Variants in EPM2A observed in about 807,000 individuals in gnomAD.
EPM2A encodes EPM2A glucan phosphatase, laforin, also known as laforin.
A neutral mutation model predicts 26.5 loss-of-function variants in EPM2A; 21 were observed. The observed-to-expected ratio is 0.79, with a 90% CI of 0.56 to 1.14. The LOEUF is 1.14. Ranked by LOEUF, EPM2A falls within the 50% of genes most tolerant of loss-of-function variation. EPM2A has a pLI of 0.00. For missense variants in EPM2A, 458 were observed against 440.8 expected, an observed-to-expected ratio of 1.04 and a Z score of -0.35; for synonymous variants, 217 against 177.6, an observed-to-expected ratio of 1.22 and a Z score of -1.76.
intron 2 of EPM2A, among the ~76,000 whole-genome samples, chr6:145,585,865 T>C (rs1208145351): frequency 6.6e-6 from 1 of 152,242 alleles, no homozygotes; most frequent in Non-Finnish European, 1.5e-5. Context: ...AATTTTGCCT[T>C]GTTCCCGACG....
intron 1 of EPM2A, among the ~76,000 whole-genome samples, chr6:145,696,634 G>A (rs1038332485): frequency 6.6e-6 from 1 of 152,016 alleles, no homozygotes; most frequent in African/African-American, 2.4e-5. Flanking sequence ...ACAGGTACTA[G>A]AATTAGAGAT....
Position 145,572,583 on chromosome 6 carries a change from A to G in EPM2A, c.340+62662T>C, listed in dbSNP as rs573687942. ...GTTCAGTTTCCACCAAAGCCCAGTA[A>G]CAGACCAAGAGCTGTCTCTCAAAAG... On this transcript the variant is annotated intron_variant, in intron 2 of 3. Transcript: ENST00000450221. 5.3e-5 allele frequency among the ~76,000 whole-genome samples: 8 copies of G among 152,316 alleles called. 1 individual carries two copies. The South Asian group carries it at 1.7e-3, about 32-fold the overall frequency.
intron 4 of EPM2A, among the ~76,000 whole-genome samples, chr6:145,469,045 A>G (rs1352832648): frequency 6.6e-6 from 1 of 152,168 alleles, no homozygotes; most frequent in Non-Finnish European, 1.5e-5. Flanking sequence ...AGACTGAGTA[A>G]TTTATAAAAG....
At chr6:145,615,820 G>T (rs568301236) in intron 2 of EPM2A, among the ~76,000 whole-genome samples, 1 of 150,170 alleles carries the variant, frequency 6.7e-6, no homozygotes, top group African/African-American at 2.4e-5. Flanking sequence ...ATGGAACTTT[G>T]AACTTGACAG....
intron 4 of EPM2A, among the ~76,000 whole-genome samples, chr6:145,404,479 G>A (rs1244025178): frequency 1.3e-5 from 2 of 151,800 alleles, no homozygotes; most frequent in Admixed American, 1.3e-4. Flanking sequence ...GTCAGAATAA[G>A]GGCATATACC....
intron 1 of EPM2A, among the ~76,000 whole-genome samples, chr6:145,714,579 T>C (rs1322524697): frequency 6.6e-6 from 1 of 152,226 alleles, no homozygotes; most frequent in Admixed American, 6.5e-5. Context: ...TTCACAATGC[T>C]GATAGAGACA....
intron 2 of EPM2A, among the ~76,000 whole-genome samples, chr6:145,552,603 C>T (rs1385947137): frequency 1.3e-5 from 2 of 151,934 alleles, no homozygotes; most frequent in African/African-American, 4.8e-5. Flanking sequence ...GAAAATGATT[C>T]CAGATAGAAG....
chr6:145,532,241 G>A (rs1780367819), intron 2 of EPM2A, among the ~76,000 whole-genome samples: 1 of 152,172 alleles, frequency 6.6e-6, no homozygotes, highest in African/African-American at 2.4e-5. Context: ...GGAGATGTGG[G>A]AGTTTAGTCA....
At chr6:145,684,582 T>C (rs561507273) in intron 2 of EPM2A, among the ~76,000 whole-genome samples, 1 of 152,320 alleles carries the variant, frequency 6.6e-6, no homozygotes, top group South Asian at 2.1e-4. Context: ...TTTACTATTG[T>C]CTCATCTAGA....
intron 4 of EPM2A, among the ~76,000 whole-genome samples, chr6:145,491,606 G>A (rs1291495415): frequency 6.6e-6 from 1 of 152,070 alleles, no homozygotes; most frequent in African/African-American, 2.4e-5. Flanking sequence ...GGGCATGCTT[G>A]GCTTTGGAAA....
chr6:145,625,726 T>G lies in EPM2A; in HGVS notation c.*1690A>C. ...TGGAAATGTGTCCTGGCTAGCTGCC[T>G]CTGCCCAAAGCAAATGTCATCTCCC... On this transcript the variant is annotated 3_prime_UTR_variant, in exon 4 of 4. Transcript: ENST00000367519. The G allele has an allele frequency of 1.2e-6, 1 of 868,228 alleles. No homozygotes were observed. The highest frequency in any genetic ancestry group is 2.0e-6 in the Non-Finnish European group (1 of 500,930). The allele number at this position is 868,228 out of a possible 1,614,324, so 53.8% of individuals were successfully genotyped here. A position where few individuals can be genotyped will look rare whatever the true frequency, so the allele number is the denominator to read the frequency against.
At chr6:145,613,257 A>G (rs1376193400) in intron 2 of EPM2A, among the ~76,000 whole-genome samples, 1 of 150,390 alleles carries the variant, frequency 6.6e-6, no homozygotes, top group Non-Finnish European at 1.5e-5. Flanking sequence ...TTATCATGAT[A>G]TTTCAGCTAT....
chr6:145,683,670 TC>T (rs2128612110), intron 2 of EPM2A, among the ~76,000 whole-genome samples: 1 of 152,268 alleles, frequency 6.6e-6, no homozygotes, highest in South Asian at 2.1e-4. Context: ...GAGCAAATTT[TC>T]TCAGAGTGAG....
chr6:145,520,453 C>T (rs746339896), intron 2 of EPM2A, among the ~76,000 whole-genome samples: 9 of 152,108 alleles, frequency 5.9e-5, no homozygotes, highest in Admixed American at 2.6e-4. Context: ...GCTAAAATTC[C>T]GTCATAGTCA....
intron 2 of EPM2A, among the ~76,000 whole-genome samples, chr6:145,553,480 A>C (rs1340664970): frequency 6.6e-6 from 1 of 152,054 alleles, no homozygotes; most frequent in East Asian, 1.9e-4. Context: ...GGATGGAAGG[A>C]CATTTGTGCT....
intron 4 of EPM2A, among the ~76,000 whole-genome samples, chr6:145,422,648 G>A (rs1469510681): frequency 1.3e-5 from 2 of 151,972 alleles, no homozygotes; most frequent in South Asian, 4.1e-4. Context: ...GGGCTCTAAA[G>A]GTTTTCAGCT....
At position 145,678,954 on chromosome 6, in the gene EPM2A, T is replaced by A. The variant is rs183822575; in HGVS notation, c.476+7168A>T. On this transcript the variant is annotated intron_variant, in intron 2 of 3. Transcript: ENST00000367519. ...TACTATAAAGACACATGCACACGTATATTTATTGCGGCATTATTCACAGTA... is the reference window on the plus strand; with the variant it reads ...TACTATAAAGACACATGCACACGTAAATTTATTGCGGCATTATTCACAGTA... Among the ~76,000 whole-genome samples the A allele has an allele frequency of 4.0e-3, 609 of 152,310 alleles. 2 individuals carry two copies. Among genetic ancestry groups the A allele is most frequent in the Non-Finnish European group, 6.0e-3 (410 of 68,028 alleles).
intron 2 of EPM2A, among the ~76,000 whole-genome samples, chr6:145,575,136 G>A (rs967692638): frequency 6.6e-6 from 1 of 152,120 alleles, no homozygotes; most frequent in African/African-American, 2.4e-5. Flanking sequence ...TCCTCAGGCA[G>A]CACAGGGTTT....
chr6:145,680,248 T>C (rs1395374883), intron 2 of EPM2A: 3 of 151,992 alleles, frequency 2.0e-5, no homozygotes, highest in African/African-American at 7.2e-5. Flanking sequence ...GTTTAAAGAA[T>C]TGGCATGTAT....
Sources: gnomAD v4.1 joint callset for allele counts (sites outside exome capture counted in the v4.1 genomes callset) on GRCh38, gnomAD v4.1.1 for gene constraint, MANE v1.5 for transcripts, NCBI Gene and HGNC (gene_info 2026-07-23, HGNC 2026-07-21) for gene names.